USP31: variants seen among roughly 807,000 people sequenced by gnomAD.
The protein encoded by USP31 is ubiquitin carboxyl-terminal hydrolase 31.
In USP31, 44 loss-of-function variants were observed where a neutral mutation model predicts 119.4. The ratio of observed to expected loss-of-function variants is 0.37; its 90% CI spans 0.29 to 0.47. The LOEUF (loss-of-function observed/expected upper bound fraction) is 0.47, where lower values mean the gene tolerates loss of function less well. USP31 is among the 20% of genes least tolerant of loss of function. USP31 has a pLI of 0.99. For missense variants in USP31, 1,643 were observed against 1,730.2 expected, an observed-to-expected ratio of 0.95 and a Z score of 0.89; for synonymous variants, 749 against 705.6, an observed-to-expected ratio of 1.06 and a Z score of -0.97.
At chr16:23,093,452 T>C (rs1366635373) in intron 6 of USP31, among the ~76,000 whole-genome samples, 2 of 152,204 alleles carry the variant, frequency 1.3e-5, no homozygotes, top group African/African-American at 4.8e-5. Context: ...CATTTACTAT[T>C]AGAGAAATGC....
intron 1 of USP31, among the ~76,000 whole-genome samples, chr16:23,120,712 A>G (rs555241204): frequency 6.6e-6 from 1 of 152,352 alleles, no homozygotes; most frequent in East Asian, 1.9e-4. Flanking sequence ...ACATACAGAC[A>G]TACGAACTCA....
chr16:23,126,022 G>A (rs917746748), intron 1 of USP31, among the ~76,000 whole-genome samples: 1 of 152,070 alleles, frequency 6.6e-6, no homozygotes, highest in Non-Finnish European at 1.5e-5. Flanking sequence ...GGGGGTTAAA[G>A]GGAATCATAG....
intron 1 of USP31, among the ~76,000 whole-genome samples, chr16:23,120,325 CA>C (rs1902625033): frequency 6.6e-6 from 1 of 152,168 alleles, no homozygotes; most frequent in African/African-American, 2.4e-5. Context: ...TGAAACATTA[CA>C]AATGGTTGAG....
chr16:23,126,041 C>T (rs923951400), intron 1 of USP31, among the ~76,000 whole-genome samples: 2 of 152,072 alleles, frequency 1.3e-5, no homozygotes, highest in African/African-American at 4.8e-5. Context: ...AGCAGCCATA[C>T]ACAGTGCCTC....
intron 1 of USP31, 101 bp downstream of exon 1, chr16:23,148,537 A>C (rs1485944505): frequency 1.5e-6 from 2 of 1,366,298 alleles, no homozygotes; most frequent in Non-Finnish European, 1.9e-6. Context: ...ACCAATGCAG[A>C]AGCCTGCCGG....
intron 1 of USP31, among the ~76,000 whole-genome samples, chr16:23,127,174 T>C (rs1567244890): frequency 6.6e-6 from 1 of 152,094 alleles, no homozygotes; most frequent in Non-Finnish European, 1.5e-5. Flanking sequence ...ACTCCTGTAA[T>C]CCCAGCACCT....
At chr16:23,131,146 A>G (rs1903018747) in intron 1 of USP31, among the ~76,000 whole-genome samples, 1 of 152,128 alleles carries the variant, frequency 6.6e-6, no homozygotes, top group African/African-American at 2.4e-5. Context: ...TCACAAAAAA[A>G]TACAAAAATT....
rs985985431 is a variant in USP31 at position 23,064,986 on chromosome 16, C to T, written c.*3060G>A. The T allele has an allele frequency of 2.0e-5, 3 of 152,096 alleles. No homozygotes were observed. Among genetic ancestry groups the T allele is most frequent in the African/African-American group, 2.4e-5 (1 of 41,384 alleles). The allele number at this position is 152,096 out of a possible 1,614,324, so 9.4% of individuals were successfully genotyped here. A position where few individuals can be genotyped will look rare whatever the true frequency, so the allele number is the denominator to read the frequency against. On this transcript the variant is annotated 3_prime_UTR_variant, in exon 16 of 16. Coordinates refer to ENST00000219689, the MANE Select transcript of USP31 (RefSeq NM_020718.4). ...GCTTTCAGGACGAGAAAATACAAAACGGATGGGAAATGGTCTAAGATGACT... is the reference window on the plus strand; with the variant it reads ...GCTTTCAGGACGAGAAAATACAAAATGGATGGGAAATGGTCTAAGATGACT...
intron 11 of USP31, 113 bp from the exon 12 acceptor site, chr16:23,082,670 C>A: frequency 7.1e-7 from 1 of 1,411,358 alleles, no homozygotes; most frequent in Non-Finnish European, 9.7e-7. Flanking sequence ...CTGTAAACCG[C>A]AGATGCTGGG....
chr16:23,101,782 C>T (rs529199631), intron 6 of USP31, among the ~76,000 whole-genome samples: 40 of 152,082 alleles, frequency 2.6e-4, no homozygotes, highest in Admixed American at 1.0e-3. Flanking sequence ...TAACTCCAGG[C>T]ACAGTGGGGA....
chr16:23,126,410 G>C (rs1188515869), intron 1 of USP31, among the ~76,000 whole-genome samples: 1 of 150,114 alleles, frequency 6.7e-6, no homozygotes, highest in Non-Finnish European at 1.5e-5. Flanking sequence ...GGATCACAAG[G>C]TCAGGAGATG....
intron 1 of USP31, among the ~76,000 whole-genome samples, chr16:23,109,122 G>C (rs1902221959): frequency 6.6e-6 from 1 of 152,182 alleles, no homozygotes; most frequent in African/African-American, 2.4e-5. Context: ...TCTTAACATA[G>C]AGATGAACAG....
At position 23,090,737 on chromosome 16, in the gene USP31, A is replaced by G. The variant is rs267604461; in HGVS notation, c.1302T>C (p.Pro434=). The change falls in exon 7 of 16, where the codon CCT becomes CCC. Residue 434 remains proline (P), a synonymous_variant. Coordinates refer to ENST00000219689, the MANE Select transcript of USP31 (RefSeq NM_020718.4). ...FGLDYHRLSS[P]TQTAAKQGKM... is the part of the protein sequence containing the mutation. ...TCCCCTGCTTTGCTGCTGTTTGTGT[A>G]GGAGAAGACAGTCTATGATAATCCA... 1.2e-6 allele frequency: 2 copies of G among 1,613,960 alleles called. No homozygotes were observed. The highest frequency in any genetic ancestry group is 1.7e-6 in the Non-Finnish European group (2 of 1,179,838).
At chr16:23,102,544 G>A in intron 5 of USP31, 81 bp from the exon 6 acceptor site, 2 of 1,483,696 alleles carry the variant, frequency 1.3e-6, no homozygotes, top group South Asian at 2.6e-5. Context: ...AACTTCTCCA[G>A]ACCATCAGGA....
intron 1 of USP31, among the ~76,000 whole-genome samples, chr16:23,131,494 A>T (rs900784370): frequency 6.6e-6 from 1 of 152,152 alleles, no homozygotes; most frequent in Non-Finnish European, 1.5e-5. Flanking sequence ...TTCAATTAAT[A>T]TACCTAGGTT....
At chr16:23,071,671 T>A (rs1476928148) in intron 15 of USP31, among the ~76,000 whole-genome samples, 1 of 149,910 alleles carries the variant, frequency 6.7e-6, no homozygotes, top group Non-Finnish European at 1.5e-5. Flanking sequence ...TGGAGCCGAC[T>A]CCCCACCACG....
In USP31 at chr16:23,097,900, T is replaced by A. The variant is rs375210012; in HGVS notation, c.1234+4419A>T. 8.2e-3 allele frequency among the ~76,000 whole-genome samples: 1,248 copies of A among 152,298 alleles called. 13 individuals carry two copies. The highest frequency in any genetic ancestry group is 9.4e-3 in the Non-Finnish European group (640 of 68,028). On this transcript the variant is annotated intron_variant, in intron 6 of 15. Coordinates refer to ENST00000219689, the MANE Select transcript of USP31 (RefSeq NM_020718.4). ...GGGCAAAAACTGGAAGCATTCCCTTTGAAAACTGGCACAAGACAAGGATGC... is the reference window on the plus strand; with the variant it reads ...GGGCAAAAACTGGAAGCATTCCCTTAGAAAACTGGCACAAGACAAGGATGC...
intron 1 of USP31, among the ~76,000 whole-genome samples, chr16:23,130,186 A>C (rs1902985818): frequency 6.6e-6 from 1 of 152,242 alleles, no homozygotes; most frequent in Non-Finnish European, 1.5e-5. Flanking sequence ...TACCAAGCTA[A>C]GAAATTTACA....
Position 23,066,959 on chromosome 16 carries a change from C to A in USP31, c.*1087G>T, listed in dbSNP as rs1161346007. 6.6e-6 allele frequency: 1 copy of A among 152,198 alleles called. No homozygotes were observed. Among genetic ancestry groups the A allele is most frequent in the Non-Finnish European group, 1.5e-5 (1 of 68,042 alleles). 9.4% of individuals were successfully genotyped at this position (152,198 alleles called of 1,614,324 possible). A position where few individuals can be genotyped will look rare whatever the true frequency, so the allele number is the denominator to read the frequency against. ...AGTGCATATGTAACACTTGATCACA[C>A]AACGCTTCAACATACCACCATTGGC... On this transcript the variant is annotated 3_prime_UTR_variant, in exon 16 of 16. Transcript: ENST00000219689.
Sources: allele counts gnomAD v4.1 joint callset (sites outside exome capture counted in the v4.1 genomes callset), GRCh38; gene constraint gnomAD v4.1.1; transcripts MANE v1.5; gene names NCBI Gene and HGNC (gene_info 2026-07-23, HGNC 2026-07-21).